The following KMT2C variants were observed in gnomAD, a reference collection of about 807,000 sequenced individuals.
The protein encoded by KMT2C is histone-lysine N-methyltransferase 2C.
KMT2C carries 88 observed loss-of-function variants against 507.9 expected under a neutral mutation model. That is an observed-to-expected ratio of 0.17 (90% CI 0.15 to 0.21). The LOEUF (loss-of-function observed/expected upper bound fraction) is 0.21. Among genes scored for constraint, KMT2C ranks in the 10% least tolerant of loss-of-function variants. The probability of loss-of-function intolerance (pLI) is 1.00; values close to 1 mark genes in which losing one functional copy is unlikely to be tolerated. For missense variants in KMT2C, 4,954 were observed against 5,957.8 expected, an observed-to-expected ratio of 0.83 and a Z score of 5.55; for synonymous variants, 2,049 against 2,080.8, an observed-to-expected ratio of 0.98 and a Z score of 0.42.
chr7:152,233,370 C>A (rs2095180536), intron 16 of KMT2C, among the ~76,000 whole-genome samples: 1 of 152,164 alleles, frequency 6.6e-6, no homozygotes, highest in South Asian at 2.1e-4. Context: ...TTTTCCTAGA[C>A]CACAGATATG....
rs1420335919 is a variant in KMT2C, at chr7:152,311,872, C to T, written c.665G>A (p.Gly222Asp). 2 of 1,611,604 alleles carry T rather than the reference C, an allele frequency of 1.2e-6. No homozygotes were observed. Among genetic ancestry groups the T allele is most frequent in the Non-Finnish European group, 1.7e-6 (2 of 1,178,210 alleles). ...STQTASDDQA[G>D]KLWDELSLVG... ...CAGACTGAGTTCATCCCACAGTTTA[C>T]CAGCTTGATCATCTGAAGCTGTCTG... is the stretch of plus-strand genomic sequence containing the variant. The change falls in exon 5 of 59, where the codon GGT becomes GAT. Residue 222 changes from glycine (G) to aspartate (D), a missense_variant. Gly to Asp is a moderately conservative substitution (Grantham distance 94). This residue lies in a region of KMT2C where 233 missense variants were observed against 263.6 expected (regional missense o/e 0.88). Coordinates refer to ENST00000262189, the MANE Select transcript of KMT2C (RefSeq NM_170606.3).
intron 33 of KMT2C, 139 bp downstream of exon 33, chr7:152,187,123 G>A: frequency 3.0e-6 from 2 of 656,194 alleles, no homozygotes; most frequent in African/African-American, 1.8e-5. Context: ...GATGTTTCTA[G>A]ACATCTAGGG....
intron 2 of KMT2C, among the ~76,000 whole-genome samples, chr7:152,342,675 T>C (rs1005082604): frequency 1.3e-5 from 2 of 152,168 alleles, no homozygotes; most frequent in African/African-American, 4.8e-5. Flanking sequence ...GTCTGGAAGA[T>C]ACAAACTACA....
At chr7:152,152,414 G>A (rs548793713) in intron 49 of KMT2C, among the ~76,000 whole-genome samples, 3 of 152,300 alleles carry the variant, frequency 2.0e-5, no homozygotes, top group East Asian at 1.9e-4. Context: ...GAGACAGGAA[G>A]AACAAAAGCT....
intron 1 of KMT2C, among the ~76,000 whole-genome samples, chr7:152,414,807 T>C (rs1189105690): frequency 6.6e-6 from 1 of 152,136 alleles, no homozygotes; most frequent in Non-Finnish European, 1.5e-5. Flanking sequence ...TAACTATTTT[T>C]CATTAAGGTA....
intron 24 of KMT2C, 55 bp from the exon 25 acceptor site, chr7:152,205,280 C>T (rs2094272859): frequency 6.6e-7 from 1 of 1,504,276 alleles, no homozygotes; most frequent in Admixed American, 1.7e-5. Context: ...TACATTTCCA[C>T]AGTACACAGG....
intron 1 of KMT2C, chr7:152,366,674 G>T (rs2097247995): frequency 6.4e-6 from 1 of 156,182 alleles, no homozygotes; most frequent in Admixed American, 6.5e-5. Flanking sequence ...AAAATGGATA[G>T]TGTCTACATT....
At chr7:152,139,072 T>C (rs2090210201) in intron 57 of KMT2C, 114 bp downstream of exon 57, 1 of 1,081,198 alleles carries the variant, frequency 9.2e-7, no homozygotes, top group Non-Finnish European at 1.4e-6. Context: ...TTGCTCTGAA[T>C]GTTTAGTCAC....
chr7:152,293,770 T>C (rs2096458941), intron 6 of KMT2C, among the ~76,000 whole-genome samples: 1 of 152,242 alleles, frequency 6.6e-6, no homozygotes, highest in Admixed American at 6.5e-5. Flanking sequence ...TACAAAACTC[T>C]TAATTTTCTA....
At chr7:152,268,323 C>T (rs1563658150) in intron 7 of KMT2C, among the ~76,000 whole-genome samples, 1 of 152,104 alleles carries the variant, frequency 6.6e-6, no homozygotes, top group Non-Finnish European at 1.5e-5. Context: ...TATTACCACA[C>T]CCAAATACCT....
chr7:152,163,247 T>G lies in KMT2C; in HGVS notation c.10330A>C (p.Ser3444Arg), dbSNP rs372413814. The change falls in exon 43 of 59, where the codon AGT becomes CGT. Residue 3444 changes from serine to arginine, a missense_variant. By Grantham distance (110) the Ser-to-Arg change is moderately radical. Coordinates refer to ENST00000262189, the MANE Select transcript of KMT2C (RefSeq NM_170606.3). ...HGMVGSEISS[S>R]RTSVSQIPFY... is the part of the protein sequence containing the mutation. Reference sequence around the variant, plus strand: ...GGAATCTGGGACACAGATGTCCTACTACTACTTATCTCAGAGCCCACCATA... The same window carrying G: ...GGAATCTGGGACACAGATGTCCTACGACTACTTATCTCAGAGCCCACCATA... The G allele has an allele frequency of 2.6e-5, 42 of 1,614,108 alleles. No homozygotes were observed. The highest frequency in any genetic ancestry group is 3.3e-5 in the Non-Finnish European group (39 of 1,180,034).
intron 43 of KMT2C, 50 bp from the exon 44 acceptor site, chr7:152,159,122 GT>G: frequency 6.4e-7 from 1 of 1,551,482 alleles, no homozygotes; most frequent in Non-Finnish European, 8.9e-7. Flanking sequence ...TGCATATTTG[GT>G]TTTTAGTTCA....
intron 51 of KMT2C, among the ~76,000 whole-genome samples, chr7:152,150,621 A>G (rs1369773192): frequency 6.6e-6 from 1 of 152,228 alleles, no homozygotes. Flanking sequence ...TCTCAAAAAA[A>G]AATTAAACTG....
At chr7:152,155,838 C>T in intron 46 of KMT2C, 72 bp downstream of exon 46, 1 of 1,405,808 alleles carries the variant, frequency 7.1e-7, no homozygotes, top group African/African-American at 1.5e-5. Flanking sequence ...AGACATTATG[C>T]CACATACATA....
At chr7:152,223,083 G>A (rs1448963477) in intron 20 of KMT2C, among the ~76,000 whole-genome samples, 3 of 152,222 alleles carry the variant, frequency 2.0e-5, no homozygotes, top group South Asian at 2.1e-4. Flanking sequence ...CACGGAAAGC[G>A]ATGTTGAATG....
rs112853105 is a variant in KMT2C, at chr7:152,137,212, G to A, written c.14644-288C>T. The A allele has an allele frequency of 2.8e-3, 810 of 292,876 alleles. 4 individuals carry two copies. The highest frequency in any genetic ancestry group is 0.016 in the African/African-American group (741 of 45,798). The allele number at this position is 292,876 out of a possible 1,614,324, so 18.1% of individuals were successfully genotyped here. A position where few individuals can be genotyped will look rare whatever the true frequency, so the allele number is the denominator to read the frequency against. On this transcript the variant is annotated intron_variant, in intron 58 of 58. Transcript: ENST00000262189. ...TTCTCATAATGCTGTCCCTGCAAGTGGATGGAGGGGACTGGAAGGGCAACT... is the reference window on the plus strand; with the variant it reads ...TTCTCATAATGCTGTCCCTGCAAGTAGATGGAGGGGACTGGAAGGGCAACT...
rs181602881 is a variant in KMT2C, at chr7:152,421,076, G to A, written c.161+14550C>T. Among the ~76,000 whole-genome samples, 13 of 151,630 alleles carry A rather than the reference G, an allele frequency of 8.6e-5. 2 individuals carry two copies. Among genetic ancestry groups the A allele is most frequent in the African/African-American group, 2.7e-4 (11 of 41,406 alleles). On this transcript the variant is annotated intron_variant, in intron 1 of 58. Transcript: ENST00000262189. ...GCAAAAAACAACCCCATTTAAAAAT[G>A]GGCAAAGGGCATGAACAGACACTTC...
chr7:152,176,928 T>C lies in KMT2C; in HGVS notation c.8525A>G (p.Asn2842Ser). The C allele has an allele frequency of 6.2e-7, 1 of 1,613,978 alleles. No individual in the cohort carries two copies. The highest frequency in any genetic ancestry group is 1.7e-4 in the Middle Eastern group (1 of 6,060). ...GTCAACATTATCTTTATTCTCATCA[T>C]TTTTTTCAGTTTCACATTTGGATTC... The part of the protein sequence containing the change: ...KVESKCETEK[N>S]DENKDNVDTP... The change falls in exon 38 of 59, where the codon AAT (asparagine) becomes AGT (serine). Residue 2842 changes from asparagine (N) to serine (S), a missense_variant. Physicochemically the swap from Asn to Ser is conservative, Grantham distance 46. Transcript: ENST00000262189.
At chr7:152,277,057 TAAAAC>T (rs1317468858) in intron 6 of KMT2C, among the ~76,000 whole-genome samples, 3 of 151,950 alleles carry the variant, frequency 2.0e-5, no homozygotes, top group Non-Finnish European at 4.4e-5. Flanking sequence ...AATGTATCCA[TAAAAC>T]AAAACAGAAT....
Sources: gnomAD v4.1 joint callset for allele counts (sites outside exome capture counted in the v4.1 genomes callset) on GRCh38, gnomAD v4.1.1 for gene constraint, gnomAD v4.1.1 regional missense constraint, MANE v1.5 for transcripts, NCBI Gene and HGNC (gene_info 2026-07-23, HGNC 2026-07-21) for gene names.